CEP85L: variants seen among roughly 807,000 people sequenced by gnomAD.
CEP85L encodes centrosomal protein of 85 kDa-like.
A neutral mutation model predicts 100.3 loss-of-function variants in CEP85L; 60 were observed. That is an observed-to-expected ratio of 0.60 (90% CI 0.49 to 0.74). The LOEUF is 0.74. Ranked by LOEUF, CEP85L falls within the 30% of genes least tolerant of loss-of-function variation. CEP85L has a pLI of 0.00. For synonymous variants in CEP85L, 319 were observed against 322.7 expected (o/e 0.99, Z 0.12); for missense variants, 973 against 936.2 (o/e 1.04, Z -0.51).
chr6:118,546,389 T>C (rs1396134024), intron 3 of CEP85L, among the ~76,000 whole-genome samples: 1 of 152,186 alleles, frequency 6.6e-6, no homozygotes, highest in Non-Finnish European at 1.5e-5. Context: ...CGGCAGCTTC[T>C]TGGTTTATCC....
At chr6:118,571,852 ATTTTG>A (rs553220350) in intron 2 of CEP85L, among the ~76,000 whole-genome samples, 5 of 152,152 alleles carry the variant, frequency 3.3e-5, no homozygotes, top group Admixed American at 2.0e-4. Context: ...AAAGGCAATA[ATTTTG>A]TTTTGTTTTG....
chr6:118,542,923 A>AAAAAAAC (rs1554216838), intron 3 of CEP85L, among the ~76,000 whole-genome samples: 6 of 143,930 alleles, frequency 4.2e-5, no homozygotes, highest in Non-Finnish European at 9.3e-5. Flanking sequence ...AAAAAAAAAA[A>AAAAAAAC]CAGGATATTC....
At chr6:118,536,793 C>G (rs1470797832) in intron 3 of CEP85L, among the ~76,000 whole-genome samples, 1 of 152,064 alleles carries the variant, frequency 6.6e-6, no homozygotes, top group African/African-American at 2.4e-5. Flanking sequence ...TCTAGGAGAA[C>G]AAAGAAGCCT....
chr6:118,525,846 C>T (rs1261955017), intron 3 of CEP85L, among the ~76,000 whole-genome samples: 1 of 152,184 alleles, frequency 6.6e-6, no homozygotes, highest in East Asian at 1.9e-4. Context: ...TGTATAAACA[C>T]CACAAAGCAA....
chr6:118,648,461 G>A (rs982178552), intron 1 of CEP85L, among the ~76,000 whole-genome samples: 1 of 152,016 alleles, frequency 6.6e-6, no homozygotes, highest in Non-Finnish European at 1.5e-5. Flanking sequence ...GGTTCTATAA[G>A]CCGGGCGCGG....
intron 3 of CEP85L, among the ~76,000 whole-genome samples, chr6:118,529,344 G>A (rs937339323): frequency 5.3e-5 from 8 of 152,044 alleles, no homozygotes; most frequent in African/African-American, 9.7e-5. Flanking sequence ...ATGGTGGCTT[G>A]TGCCTGTAAT....
chr6:118,604,595 T>G (rs1772054913), intron 2 of CEP85L, among the ~76,000 whole-genome samples: 2 of 152,362 alleles, frequency 1.3e-5, no homozygotes, highest in Middle Eastern at 3.4e-3. Flanking sequence ...CTTTTACGTT[T>G]GGTGAAAACC....
intron 3 of CEP85L, among the ~76,000 whole-genome samples, chr6:118,548,729 T>C (rs1778355835): frequency 6.6e-6 from 1 of 152,048 alleles, no homozygotes; most frequent in Admixed American, 6.6e-5. Context: ...TATTTGGTAG[T>C]AGTGGTTAAT....
chr6:118,709,779 C>A (rs1016629444), intron 1 of CEP85L, among the ~76,000 whole-genome samples: 1 of 152,110 alleles, frequency 6.6e-6, no homozygotes, highest in Non-Finnish European at 1.5e-5. Context: ...CTGTTCCTTT[C>A]CCCCTGACAG....
Position 118,525,909 on chromosome 6 carries a change from A to C in CEP85L, c.1021-1989T>G, listed in dbSNP as rs546763014. 3.9e-5 allele frequency among the ~76,000 whole-genome samples: 6 copies of C among 152,362 alleles called. No homozygotes were observed. In the South Asian group the frequency reaches 1.2e-3, roughly 32 times the overall value. ...TATTTTTATCCTTTACTTTCCAAAAATGCTATTAATAAGACCTTCAAAATA... is the reference window on the plus strand; with the variant it reads ...TATTTTTATCCTTTACTTTCCAAAACTGCTATTAATAAGACCTTCAAAATA... On this transcript the variant is annotated intron_variant, in intron 3 of 12. Coordinates refer to ENST00000368491, the MANE Select transcript of CEP85L (RefSeq NM_001042475.3).
intron 2 of CEP85L, among the ~76,000 whole-genome samples, chr6:118,600,438 A>G (rs1177335435): frequency 6.7e-6 from 1 of 148,872 alleles, no homozygotes; most frequent in Non-Finnish European, 1.5e-5. Flanking sequence ...CTCCTGTCTC[A>G]GCCCCTCTGC....
chr6:118,504,148 C>T (rs1775493075), intron 5 of CEP85L, among the ~76,000 whole-genome samples: 1 of 152,044 alleles, frequency 6.6e-6, no homozygotes, highest in Non-Finnish European at 1.5e-5. Flanking sequence ...CCGAGGCAGG[C>T]GGATCACTTG....
At chr6:118,510,107 A>G (rs1215533693) in intron 5 of CEP85L, among the ~76,000 whole-genome samples, 2 of 152,134 alleles carry the variant, frequency 1.3e-5, no homozygotes, top group Admixed American at 1.3e-4. Flanking sequence ...TTTGAGATCC[A>G]TGAAAGCAGG....
At position 118,559,170 on chromosome 6, in the gene CEP85L, G is replaced by A. The variant is rs886060998; in HGVS notation, c.1020+6359C>T. On this transcript the variant is annotated intron_variant, in intron 3 of 12. Transcript: ENST00000368491. Reference sequence around the variant, plus strand: ...GACAGGAAAACAATATTGTATAACAGACCACTTCCTGAGTAGAAGAGTTTC... The same window carrying A: ...GACAGGAAAACAATATTGTATAACAAACCACTTCCTGAGTAGAAGAGTTTC... The A allele has an allele frequency of 5.3e-6, 5 of 939,322 alleles. No individual in the cohort carries two copies. The highest frequency in any genetic ancestry group is 1.7e-5 in the Admixed American group (1 of 59,150). 58.2% of individuals were successfully genotyped at this position (939,322 alleles called of 1,614,324 possible). A position where few individuals can be genotyped will look rare whatever the true frequency, so the allele number is the denominator to read the frequency against.
chr6:118,681,710 T>A (rs899261289), intron 1 of CEP85L, among the ~76,000 whole-genome samples: 1 of 151,204 alleles, frequency 6.6e-6, no homozygotes, highest in African/African-American at 2.4e-5. Flanking sequence ...TATAAATAGA[T>A]CTATTTTACC....
intron 3 of CEP85L, among the ~76,000 whole-genome samples, chr6:118,532,059 C>T (rs899973113): frequency 6.6e-6 from 1 of 152,018 alleles, no homozygotes; most frequent in East Asian, 1.9e-4. Context: ...ACATGTTCAT[C>T]GCAGCACTAT....
At chr6:118,659,594 T>C (rs1412859857) in intron 1 of CEP85L, among the ~76,000 whole-genome samples, 2 of 152,222 alleles carry the variant, frequency 1.3e-5, no homozygotes, top group Non-Finnish European at 2.9e-5. Context: ...GTAGTTATAG[T>C]GACACTAAGG....
At chr6:118,591,793 C>A (rs996650547) in intron 2 of CEP85L, among the ~76,000 whole-genome samples, 9 of 152,038 alleles carry the variant, frequency 5.9e-5, no homozygotes, top group Admixed American at 5.9e-4. Context: ...TTGTCCAATT[C>A]TTTGTTCAAA....
intron 2 of CEP85L, among the ~76,000 whole-genome samples, chr6:118,604,609 G>A (rs1226094304): frequency 1.3e-5 from 2 of 152,110 alleles, no homozygotes; most frequent in East Asian, 3.8e-4. Flanking sequence ...GAAAACCCTG[G>A]TTAGTAAGCA....
Sources: allele counts gnomAD v4.1 joint callset (sites outside exome capture counted in the v4.1 genomes callset), GRCh38; gene constraint gnomAD v4.1.1; transcripts MANE v1.5; gene names NCBI Gene and HGNC (gene_info 2026-07-23, HGNC 2026-07-21).